The following DTWD1 variants were observed in gnomAD, a reference collection of about 807,000 sequenced individuals.
DTWD1 encodes the protein tRNA-uridine aminocarboxypropyltransferase 1.
Under a neutral mutation model 30.2 loss-of-function variants are expected in DTWD1, and 27 were observed. The ratio of observed to expected loss-of-function variants is 0.90; its 90% CI spans 0.66 to 1.23. DTWD1 has a LOEUF of 1.23. Ranked by LOEUF, DTWD1 falls within the 50% of genes most tolerant of loss-of-function variation. The pLI, the probability that DTWD1 is intolerant of heterozygous loss-of-function variation, is 0.00. For synonymous variants in DTWD1, 99 were observed against 113.1 expected, an observed-to-expected ratio of 0.88 and a Z score of 0.79; for missense variants, 342 against 348.8, an observed-to-expected ratio of 0.98 and a Z score of 0.15.
In DTWD1 at chr15:49,632,359, T is replaced by TTA. The variant is rs1598651505; in HGVS notation, c.408+57_408+58insTA. The TTA allele has an allele frequency of 6.0e-6, 9 of 1,487,766 alleles. No homozygotes were observed. In the East Asian group the frequency reaches 1.7e-4, roughly 28 times the overall value. 92.2% of individuals were successfully genotyped at this position (1,487,766 alleles called of 1,614,324 possible). ...TTGGATATAAAAATGAATTTTAACCTCCATTGCCTTTCTGAACTTACTCAA... is the reference window on the plus strand; with the variant it reads ...TTGGATATAAAAATGAATTTTAACCTTACCATTGCCTTTCTGAACTTACTCAA... On this transcript the variant is annotated intron_variant, in intron 3 of 4. Coordinates refer to ENST00000403028, the MANE Select transcript of DTWD1 (RefSeq NM_001144955.2).
rs1371264728 is a variant in DTWD1, at chr15:49,644,756, C to T, written c.*1178C>T. ...TCACTAGGTTTAGTTCCTGCTCCCT[C>T]CCTTTACCCCTTTTCACTTAGGGTT... On this transcript the variant is annotated 3_prime_UTR_variant, in exon 5 of 5. Coordinates refer to ENST00000403028, the MANE Select transcript of DTWD1 (RefSeq NM_001144955.2). 6.6e-6 allele frequency: 1 copy of T among 152,194 alleles called. No individual in the cohort carries two copies. The highest frequency in any genetic ancestry group is 6.6e-5 in the Admixed American group (1 of 15,264). The allele number at this position is 152,194 out of a possible 1,614,324, so 9.4% of individuals were successfully genotyped here. A position where few individuals can be genotyped will look rare whatever the true frequency, so the allele number is the denominator to read the frequency against.
rs1288187220 is a variant in DTWD1 at position 49,655,513 on chromosome 15, A to G, written c.*11935A>G. 1 of 151,838 alleles carries G rather than the reference A, an allele frequency of 6.6e-6. No homozygotes were observed. The highest frequency in any genetic ancestry group is 2.4e-5 in the African/African-American group (1 of 41,322). 9.4% of individuals were successfully genotyped at this position (151,838 alleles called of 1,614,324 possible). A position where few individuals can be genotyped will look rare whatever the true frequency, so the allele number is the denominator to read the frequency against. On this transcript the variant is annotated 3_prime_UTR_variant, in exon 5 of 5. Transcript: ENST00000403028. ...TTTCTTTAAAACTCTGTGAGCCTTT[A>G]TATCAGATTAGTCCACCCCATTAGA...
At chr15:49,635,961 T>C (rs970833330) in intron 4 of DTWD1, among the ~76,000 whole-genome samples, 5 of 152,140 alleles carry the variant, frequency 3.3e-5, no homozygotes, top group Non-Finnish European at 4.4e-5. Context: ...CCTGACCTTT[T>C]ATAATCTTTC....
intron 4 of DTWD1, among the ~76,000 whole-genome samples, chr15:49,639,668 A>G (rs1038655576): frequency 6.6e-6 from 1 of 152,248 alleles, no homozygotes; most frequent in African/African-American, 2.4e-5. Context: ...TGAAATATTT[A>G]ATGTTGTCTA....
rs183561828 is a variant in DTWD1 at position 49,652,104 on chromosome 15, G to A, written c.*8526G>A. On this transcript the variant is annotated 3_prime_UTR_variant, in exon 5 of 5. Transcript: ENST00000403028. ...AGATGCAAAGAGAGTAGAAGAAGAG[G>A]TGCCTCCCCTCCGTGCCATCACTTT... 1 of 152,122 alleles carries A rather than the reference G, an allele frequency of 6.6e-6. No homozygotes were observed. Among genetic ancestry groups the A allele is most frequent in the East Asian group, 1.9e-4 (1 of 5,148 alleles). The allele number at this position is 152,122 out of a possible 1,614,324, so 9.4% of individuals were successfully genotyped here.
chr15:49,651,424 C>G lies in DTWD1; in HGVS notation c.*7846C>G, dbSNP rs570276142. On this transcript the variant is annotated 3_prime_UTR_variant, in exon 5 of 5. Coordinates refer to ENST00000403028, the MANE Select transcript of DTWD1 (RefSeq NM_001144955.2). Reference sequence around the variant, plus strand: ...TCATCCTTCCTGCTTCAGTTATTCGCCACCCAGTGCTAGCACAGTGGGCAC... The same window carrying G: ...TCATCCTTCCTGCTTCAGTTATTCGGCACCCAGTGCTAGCACAGTGGGCAC... 13 of 152,200 alleles carry G rather than the reference C, an allele frequency of 8.5e-5. No homozygotes were observed. The highest frequency in any genetic ancestry group is 3.1e-4 in the African/African-American group (13 of 41,512). 9.4% of individuals were successfully genotyped at this position (152,200 alleles called of 1,614,324 possible).
Position 49,631,103 on chromosome 15 carries a change from A to G in DTWD1, c.265-1056A>G, listed in dbSNP as rs529544869. On this transcript the variant is annotated intron_variant, in intron 2 of 4. Transcript: ENST00000403028. ...CATTATATATTATAATGTAATAATA[A>G]TAGAAATAAAGTGCACAATAAGTGT... 29 of 269,042 alleles carry G rather than the reference A, an allele frequency of 1.1e-4. No individual in the cohort carries two copies. The South Asian group carries it at 1.1e-3, about 10-fold the overall frequency. The allele number at this position is 269,042 out of a possible 1,614,324, so 16.7% of individuals were successfully genotyped here.
At chr15:49,641,823 T>C (rs1324117713) in intron 4 of DTWD1, among the ~76,000 whole-genome samples, 1 of 152,130 alleles carries the variant, frequency 6.6e-6, no homozygotes, top group Non-Finnish European at 1.5e-5. Flanking sequence ...TCTTTGTATA[T>C]GATCTGTCCC....
chr15:49,640,297 TCTATTTCA>T (rs1471171428), intron 4 of DTWD1, among the ~76,000 whole-genome samples: 2 of 152,118 alleles, frequency 1.3e-5, no homozygotes, highest in Non-Finnish European at 2.9e-5. Context: ...TATAGTTTAT[TCTATTTCA>T]CTGCTGAATA....
At position 49,629,915 on chromosome 15, in the gene DTWD1, G is replaced by C. The variant is rs12591963; in HGVS notation, c.265-2244G>C. On this transcript the variant is annotated intron_variant, in intron 2 of 4. Coordinates refer to ENST00000403028, the MANE Select transcript of DTWD1 (RefSeq NM_001144955.2). ...ATTTGTAGGCCAAGGTCCTCCAGGG[G>C]TGTATTATTTATACTGTTCTGTCCC... The C allele has an allele frequency of 8.5e-5, 13 of 152,186 alleles. No homozygotes were observed. In the East Asian group the frequency reaches 2.5e-3, roughly 29 times the overall value. 9.4% of individuals were successfully genotyped at this position (152,186 alleles called of 1,614,324 possible).
chr15:49,629,740 A>G (rs2078893624), intron 2 of DTWD1: 1 of 152,230 alleles, frequency 6.6e-6, no homozygotes, highest in South Asian at 2.1e-4. Flanking sequence ...TAAATTTTCC[A>G]TAACTAGAAG....
chr15:49,642,569 A>G (rs966205250), intron 4 of DTWD1, among the ~76,000 whole-genome samples: 2 of 152,122 alleles, frequency 1.3e-5, no homozygotes, highest in African/African-American at 4.8e-5. Context: ...TACCAGTATT[A>G]AGGAACATTA....
chr15:49,630,058 A>C (rs2078898973), intron 2 of DTWD1: 2 of 152,174 alleles, frequency 1.3e-5, no homozygotes, highest in Non-Finnish European at 2.9e-5. Flanking sequence ...AAGAACCTCA[A>C]AATAATTATT....
intron 2 of DTWD1, among the ~76,000 whole-genome samples, chr15:49,628,112 A>G (rs1011944957): frequency 2.0e-5 from 3 of 152,072 alleles, no homozygotes; most frequent in East Asian, 1.9e-4. Context: ...GTTGAAAACC[A>G]AGACACAAAC....
At chr15:49,641,672 G>A (rs539089504) in intron 4 of DTWD1, among the ~76,000 whole-genome samples, 3 of 151,820 alleles carry the variant, frequency 2.0e-5, no homozygotes, top group Non-Finnish European at 2.9e-5. Flanking sequence ...CACTTTTTTC[G>A]TGATAGGTTG....
chr15:49,633,009 A>G (rs1240837193), intron 3 of DTWD1, among the ~76,000 whole-genome samples: 1 of 141,406 alleles, frequency 7.1e-6, no homozygotes, highest in Non-Finnish European at 1.5e-5. Flanking sequence ...TGTTCCAGGA[A>G]GAACTTGGTA....
intron 2 of DTWD1, 147 bp downstream of exon 2, chr15:49,625,578 TAGAC>T: frequency 3.4e-6 from 3 of 884,680 alleles, no homozygotes; most frequent in African/African-American, 1.7e-5. Context: ...AACTAGCACT[TAGAC>T]AGAAAATTTC....
At position 49,651,721 on chromosome 15, in the gene DTWD1, C is replaced by T. The variant is rs942404445; in HGVS notation, c.*8143C>T. 2 of 152,126 alleles carry T rather than the reference C, an allele frequency of 1.3e-5. No homozygotes were observed. The highest frequency in any genetic ancestry group is 2.9e-5 in the Non-Finnish European group (2 of 68,022). The allele number at this position is 152,126 out of a possible 1,614,324, so 9.4% of individuals were successfully genotyped here. The stretch of plus-strand genomic sequence containing the variant: ...AGTTTGCTTTTCCTCTTTGCAGAGC[C>T]TCAGTCAGTATCACCATTTGAGTTT... On this transcript the variant is annotated 3_prime_UTR_variant, in exon 5 of 5. Transcript: ENST00000403028.
intron 4 of DTWD1, among the ~76,000 whole-genome samples, chr15:49,639,087 C>T (rs1191038171): frequency 1.3e-5 from 2 of 152,058 alleles, no homozygotes; most frequent in Non-Finnish European, 2.9e-5. Context: ...ATAAGCTTTG[C>T]CTAAACTACA....
Sources: gnomAD v4.1 joint callset for allele counts (sites outside exome capture counted in the v4.1 genomes callset) on GRCh38, gnomAD v4.1.1 for gene constraint, MANE v1.5 for transcripts, NCBI Gene and HGNC (gene_info 2026-07-23, HGNC 2026-07-21) for gene names.